Variants in ZRANB2 observed in about 807,000 individuals in gnomAD.
The protein encoded by ZRANB2 is zinc finger Ran-binding domain-containing protein 2.
Under a neutral mutation model 53.4 loss-of-function variants are expected in ZRANB2, and 19 were observed. The ratio of observed to expected loss-of-function variants is 0.36; its 90% CI spans 0.25 to 0.52. The LOEUF is 0.52. Ranked by LOEUF, ZRANB2 falls within the 20% of genes least tolerant of loss-of-function variation. ZRANB2 has a pLI of 0.93. For missense variants in ZRANB2, 309 were observed against 401.1 expected, an observed-to-expected ratio of 0.77 and a Z score of 1.96; for synonymous variants, 145 against 134.8, an observed-to-expected ratio of 1.08 and a Z score of -0.52.
At chr1:71,074,635 T>C (rs986268414) in intron 4 of ZRANB2, among the ~76,000 whole-genome samples, 4 of 151,466 alleles carry the variant, frequency 2.6e-5, no homozygotes, top group Non-Finnish European at 5.9e-5. Context: ...AAGTTTGTTT[T>C]TATGCCATTA....
rs141936453 is a variant in ZRANB2 at position 71,066,813 on chromosome 1, G to T, written c.892C>A (p.Arg298Ser). 6.2e-7 allele frequency: 1 copy of T among 1,611,176 alleles called. No homozygotes were observed. Among genetic ancestry groups the T allele is most frequent in the Non-Finnish European group, 8.5e-7 (1 of 1,179,042 alleles). The change falls in exon 9 of 10, where the codon CGC becomes AGC. Residue 298 changes from arginine (R) to serine (S), a missense_variant. Arg to Ser is a moderately radical substitution (Grantham distance 110). Coordinates refer to ENST00000370920, the MANE Select transcript of ZRANB2 (RefSeq NM_203350.3). Reference sequence around the variant, plus strand: ...CGTGATCTTGTTCGTCTTTTTTTGCGATCACCAGATGAAGAAGATCTAGAA... The same window carrying T: ...CGTGATCTTGTTCGTCTTTTTTTGCTATCACCAGATGAAGAAGATCTAGAA... ...SRSRSSSSGD[R>S]KKRRTRSRSP...
chr1:71,071,684 G>A (rs1043774228), intron 6 of ZRANB2, among the ~76,000 whole-genome samples: 1 of 152,014 alleles, frequency 6.6e-6, no homozygotes, highest in African/African-American at 2.4e-5. Context: ...CCTATTTAGG[G>A]AACCCGTATT....
intron 6 of ZRANB2, 31 bp downstream of exon 6, chr1:71,072,089 CA>C: frequency 6.3e-7 from 1 of 1,596,276 alleles, no homozygotes; most frequent in South Asian, 1.1e-5. Flanking sequence ...TCCAATAAGA[CA>C]AAAGGGAAAT....
At chr1:71,074,740 A>G (rs973432688) in intron 4 of ZRANB2, among the ~76,000 whole-genome samples, 4 of 61,334 alleles carry the variant, frequency 6.5e-5, no homozygotes, top group African/African-American at 2.3e-4. Context: ...AATTTGATGG[A>G]ATTATGCAGG....
At chr1:71,078,588 A>G (rs1488086100) in intron 2 of ZRANB2, 23 bp from the exon 3 acceptor site, 1 of 1,612,240 alleles carries the variant, frequency 6.2e-7, no homozygotes, top group Non-Finnish European at 8.5e-7. Flanking sequence ...AAATCATGCA[A>G]TATGAACCTG....
At chr1:71,080,687 G>C (rs968958369) in intron 1 of ZRANB2, among the ~76,000 whole-genome samples, 38 of 151,958 alleles carry the variant, frequency 2.5e-4, no homozygotes, top group African/African-American at 8.7e-4. Context: ...AGGCCATCTC[G>C]CACTCTAAAA....
chr1:71,067,877 A>AT (rs142824635), intron 8 of ZRANB2, among the ~76,000 whole-genome samples: 36,400 of 138,086 alleles, frequency 0.26, 5,042 homozygotes, highest in East Asian at 0.42. Flanking sequence ...CTCTACTTCT[A>AT]TTTTTTTTTT....
At chr1:71,069,486 T>C (rs561147587) in intron 7 of ZRANB2, 124 bp from the exon 8 acceptor site, 31 of 556,252 alleles carry the variant, frequency 5.6e-5, no homozygotes, top group East Asian at 9.5e-5. Flanking sequence ...ATACAAGATA[T>C]ATACTTTCAA....
rs1557791901 is a variant in ZRANB2 at position 71,070,930 on chromosome 1, T to C, written c.580A>G (p.Asn194Asp). The change falls in exon 7 of 10, where the codon AAT (asparagine) becomes GAT (aspartate). Residue 194 changes from asparagine to aspartate, a missense_variant. Transcript: ENST00000370920. ...CTTCGTCTATTAGATTTCTTTTTAT[T>C]ACTATCTTCTTCTTCACTGGCATCA... ...NLDASEEEDS[N>D]KKKSNRRSRS... 6.2e-7 allele frequency: 1 copy of C among 1,611,694 alleles called. No individual in the cohort carries two copies. The highest frequency in any genetic ancestry group is 1.1e-5 in the South Asian group (1 of 90,800).
chr1:71,075,300 T>C (rs183576123), intron 4 of ZRANB2, among the ~76,000 whole-genome samples: 43 of 152,210 alleles, frequency 2.8e-4, no homozygotes, highest in Non-Finnish European at 5.1e-4. Flanking sequence ...GAAAGGGCTA[T>C]TTAGGCTAAG....
In ZRANB2 at chr1:71,069,345, G is replaced by A. The variant is rs1177482587; in HGVS notation, c.701C>T (p.Ser234Phe). ...RSRSRSRSRS[S>F]SSSQSRSRSS... ...ACGAGATCTTGACTGCGAACTGGAA[G>A]AACTTCTTGAACGGGACCTGGAACA... Residue 234 changes from serine to phenylalanine, a missense_variant, in exon 8 of 10, where the codon TCT becomes TTT. Ser to Phe is a radical substitution (Grantham distance 155). Coordinates refer to ENST00000370920, the MANE Select transcript of ZRANB2 (RefSeq NM_203350.3). 4 of 1,612,702 alleles carry A rather than the reference G, an allele frequency of 2.5e-6. No individual in the cohort carries two copies. In the Admixed American group the frequency reaches 5.0e-5, roughly 20 times the overall value.
At chr1:71,066,678 CAA>C in intron 9 of ZRANB2, 96 bp downstream of exon 9, 1 of 1,302,856 alleles carries the variant, frequency 7.7e-7, no homozygotes, top group Admixed American at 2.5e-5. Context: ...AGTCGGAACA[CAA>C]GAGATAATAA....
In ZRANB2 at chr1:71,065,681, G is replaced by A. The variant is rs964574432; in HGVS notation, c.930-544C>T. On this transcript the variant is annotated intron_variant, in intron 9 of 9. Transcript: ENST00000370920. ...GTATGAATAAGTCAATATCAACCTGGGTAAAGTAGTGGTGTTCCGTAGGGG... is the reference window on the plus strand; with the variant it reads ...GTATGAATAAGTCAATATCAACCTGAGTAAAGTAGTGGTGTTCCGTAGGGG... 3 of 1,610,388 alleles carry A rather than the reference G, an allele frequency of 1.9e-6. No individual in the cohort carries two copies. The African/African-American group carries it at 4.0e-5, about 22-fold the overall frequency.
intron 9 of ZRANB2, among the ~76,000 whole-genome samples, chr1:71,065,500 C>G (rs1458933863): frequency 2.0e-5 from 3 of 152,036 alleles, no homozygotes; most frequent in East Asian, 1.9e-4. Flanking sequence ...AAACCAATCC[C>G]TGTGACACGG....
intron 8 of ZRANB2, chr1:71,067,818 C>T (rs141523280): frequency 2.9e-5 from 10 of 346,776 alleles, no homozygotes; most frequent in East Asian, 1.5e-4. Context: ...ACCTATAAAG[C>T]GCTTAAATAT....
Position 71,072,551 on chromosome 1 carries a change from TA to T in ZRANB2, c.302-4del. On this transcript the variant is annotated splice_polypyrimidine_tract_variant and splice_region_variant and intron_variant, in intron 4 of 9. Transcript: ENST00000370920. ...TTCATTAAAACCACCACCATATCCT[TA>T]AAAAAGAGGGCACAAATTGTTACCC... The T allele has an allele frequency of 6.3e-7, 1 of 1,598,852 alleles. No individual in the cohort carries two copies. The highest frequency in any genetic ancestry group is 8.5e-7 in the Non-Finnish European group (1 of 1,170,148).
Position 71,063,472 on chromosome 1 carries a change from C to T in ZRANB2, c.*1602G>A, listed in dbSNP as rs753674184. ...TAAACTACTATTAGCTAAATTATAA[C>T]CTTGCATTTGCTTAGTACAGCCAAA... is the stretch of plus-strand genomic sequence containing the variant. On this transcript the variant is annotated 3_prime_UTR_variant, in exon 10 of 10. Coordinates refer to ENST00000370920, the MANE Select transcript of ZRANB2 (RefSeq NM_203350.3). The T allele has an allele frequency of 2.6e-4, 39 of 152,442 alleles. No individual in the cohort carries two copies. The highest frequency in any genetic ancestry group is 3.4e-3 in the Middle Eastern group (1 of 294). 9.4% of individuals were successfully genotyped at this position (152,442 alleles called of 1,614,324 possible). A position where few individuals can be genotyped will look rare whatever the true frequency, so the allele number is the denominator to read the frequency against.
intron 6 of ZRANB2, among the ~76,000 whole-genome samples, chr1:71,071,897 C>A (rs989930183): frequency 4.6e-5 from 7 of 152,162 alleles, no homozygotes; most frequent in African/African-American, 1.7e-4. Context: ...TCCTCTAGAA[C>A]TGTGTAAGAG....
At chr1:71,069,249 T>C (rs770930501) in intron 8 of ZRANB2, 27 bp downstream of exon 8, 1 of 1,571,308 alleles carries the variant, frequency 6.4e-7, no homozygotes, top group Admixed American at 1.7e-5. Context: ...TTCTCTCTGC[T>C]TTACAGAGAG....
Sources: gnomAD v4.1 joint callset for allele counts (sites outside exome capture counted in the v4.1 genomes callset) on GRCh38, gnomAD v4.1.1 for gene constraint, MANE v1.5 for transcripts, NCBI Gene and HGNC (gene_info 2026-07-23, HGNC 2026-07-21) for gene names.